VLDLR: variants seen among roughly 807,000 people sequenced by gnomAD.
VLDLR encodes very low-density lipoprotein receptor.
Under a neutral mutation model 112.7 loss-of-function variants are expected in VLDLR, and 81 were observed. The observed-to-expected ratio is 0.72, with a 90% CI of 0.60 to 0.86. VLDLR has a LOEUF of 0.86. Among genes scored for constraint, VLDLR ranks in the 40% least tolerant of loss-of-function variants. The pLI is 0.00. For missense variants in VLDLR, 1,237 were observed against 1,099.4 expected, an observed-to-expected ratio of 1.13 and a Z score of -1.77; for synonymous variants, 436 against 384.8, an observed-to-expected ratio of 1.13 and a Z score of -1.56.
intron 2 of VLDLR, 125 bp downstream of exon 2, chr9:2,635,697 C>G (rs1407026765): frequency 6.9e-7 from 1 of 1,445,450 alleles, no homozygotes; most frequent in African/African-American, 1.4e-5. Context: ...ATCTATACTT[C>G]TCTGTGTAAA....
At chr9:2,634,869 T>G (rs915483656) in intron 1 of VLDLR, among the ~76,000 whole-genome samples, 1 of 152,234 alleles carries the variant, frequency 6.6e-6, no homozygotes, top group African/African-American at 2.4e-5. Flanking sequence ...TTCACTGTGC[T>G]TGTAATAGAA....
intron 1 of VLDLR, among the ~76,000 whole-genome samples, chr9:2,632,038 C>T (rs1242367369): frequency 2.0e-5 from 3 of 152,038 alleles, no homozygotes; most frequent in Non-Finnish European, 4.4e-5. Context: ...AATTTTTTGA[C>T]GCTCCAGGAA....
rs746506982 is a variant in VLDLR, at chr9:2,650,419, A to G, written c.2154A>G (p.Leu718=). ...TGGAGAATGGAGGATGTGAATACCT[A>G]TGCCTGCCAGCACCACAGATTAATG... The part of the protein sequence containing the change: ...EDMENGGCEY[L]CLPAPQINDH... The change falls in exon 15 of 19, where the codon CTA becomes CTG. Residue 718 remains leucine (L), a synonymous_variant. Coordinates refer to ENST00000382100, the MANE Select transcript of VLDLR (RefSeq NM_003383.5). 2 of 1,614,100 alleles carry G rather than the reference A, an allele frequency of 1.2e-6. No individual in the cohort carries two copies. Among genetic ancestry groups the G allele is most frequent in the Non-Finnish European group, 1.7e-6 (2 of 1,180,014 alleles).
At chr9:2,624,326 G>C (rs1003089960) in intron 1 of VLDLR, among the ~76,000 whole-genome samples, 1 of 152,204 alleles carries the variant, frequency 6.6e-6, no homozygotes, top group South Asian at 2.1e-4. Context: ...TAAGTTCAAA[G>C]TCTCAGGGCA....
intron 2 of VLDLR, among the ~76,000 whole-genome samples, chr9:2,639,270 A>C (rs1264207667): frequency 6.6e-6 from 1 of 152,220 alleles, no homozygotes; most frequent in Non-Finnish European, 1.5e-5. Flanking sequence ...TACATAGTAG[A>C]TAACAAAGAG....
intron 1 of VLDLR, among the ~76,000 whole-genome samples, chr9:2,632,815 T>C (rs1044769706): frequency 1.3e-5 from 2 of 152,144 alleles, no homozygotes; most frequent in African/African-American, 2.4e-5. Flanking sequence ...AGGGAGCACT[T>C]TCTGCCCAGT....
At position 2,656,751 on chromosome 9, in the gene VLDLR, T is replaced by TAAAC. The variant is rs1338587275; in HGVS notation, c.*2885_*2888dup. On this transcript the variant is annotated 3_prime_UTR_variant, in exon 19 of 19. Transcript: ENST00000382100. Reference sequence around the variant, plus strand: ...GCCACAAAGATTGATGATAGATGAATAAACAGATTTGTGGCCTCTGGTAAA... The same window carrying TAAAC: ...GCCACAAAGATTGATGATAGATGAATAAACAAACAGATTTGTGGCCTCTGGTAAA... The TAAAC allele has an allele frequency of 6.6e-6, 1 of 152,028 alleles. No individual in the cohort carries two copies. Among genetic ancestry groups the TAAAC allele is most frequent in the Non-Finnish European group, 1.5e-5 (1 of 68,006 alleles). 9.4% of individuals were successfully genotyped at this position (152,028 alleles called of 1,614,324 possible).
chr9:2,642,920 A>T (rs371056849), intron 4 of VLDLR, among the ~76,000 whole-genome samples: 4 of 152,202 alleles, frequency 2.6e-5, no homozygotes, highest in African/African-American at 9.6e-5. Flanking sequence ...TCTCAAATTA[A>T]TTTCCAGTCT....
chr9:2,630,180 C>A (rs1817277571), intron 1 of VLDLR, among the ~76,000 whole-genome samples: 1 of 152,194 alleles, frequency 6.6e-6, no homozygotes, highest in African/African-American at 2.4e-5. Context: ...TTTCCCTTAA[C>A]ACCTGTTGTG....
intron 1 of VLDLR, among the ~76,000 whole-genome samples, chr9:2,624,013 C>T (rs1459319757): frequency 6.6e-6 from 1 of 152,090 alleles, no homozygotes; most frequent in Non-Finnish European, 1.5e-5. Context: ...GGACAATTAT[C>T]CAGGAAGGTG....
Position 2,659,806 on chromosome 9 carries a change from G to C in VLDLR, c.*5938G>C, listed in dbSNP as rs1442752117. The C allele has an allele frequency of 6.6e-6, 1 of 152,218 alleles. No homozygotes were observed. Among genetic ancestry groups the C allele is most frequent in the Non-Finnish European group, 1.5e-5 (1 of 68,044 alleles). The allele number at this position is 152,218 out of a possible 1,614,324, so 9.4% of individuals were successfully genotyped here. Reference sequence around the variant, plus strand: ...CAGTTAACACACATGCAAGGAGGAAGAGAGTTTTTTTGAACAAAATGACTG... The same window carrying C: ...CAGTTAACACACATGCAAGGAGGAACAGAGTTTTTTTGAACAAAATGACTG... On this transcript the variant is annotated 3_prime_UTR_variant, in exon 19 of 19. Coordinates refer to ENST00000382100, the MANE Select transcript of VLDLR (RefSeq NM_003383.5).
Position 2,654,171 on chromosome 9 carries a change from A to T in VLDLR, c.*303A>T, listed in dbSNP as rs1818494150. The T allele has an allele frequency of 2.4e-6, 1 of 420,216 alleles. No homozygotes were observed. Among genetic ancestry groups the T allele is most frequent in the Admixed American group, 3.6e-5 (1 of 27,858 alleles). The allele number at this position is 420,216 out of a possible 1,614,324, so 26.0% of individuals were successfully genotyped here. ...CTAGAAAGCCATATTCCAGCAGTGA[A>T]ACTTGTGCTATAGTGTATACCACCT... On this transcript the variant is annotated 3_prime_UTR_variant, in exon 19 of 19. Coordinates refer to ENST00000382100, the MANE Select transcript of VLDLR (RefSeq NM_003383.5).
At chr9:2,649,233 T>G (rs1563765099) in intron 14 of VLDLR, among the ~76,000 whole-genome samples, 1 of 152,156 alleles carries the variant, frequency 6.6e-6, no homozygotes, top group Non-Finnish European at 1.5e-5. Context: ...AGGCCAGAAG[T>G]TTGAAATCAA....
rs1402336568 is a variant in VLDLR at position 2,621,870 on chromosome 9, CA to C, written c.-319del. ...GTGCTCTCTTCTGCTCTCGGCTCCC[CA>C]CCCCCTCTCCCTTCCCTCCTCTCCC... On this transcript the variant is annotated 5_prime_UTR_variant, in exon 1 of 19. Coordinates refer to ENST00000382100, the MANE Select transcript of VLDLR (RefSeq NM_003383.5). 17 of 589,454 alleles carry C rather than the reference CA, an allele frequency of 2.9e-5. No homozygotes were observed. The highest frequency in any genetic ancestry group is 2.6e-4 in the South Asian group (17 of 65,084). The allele number at this position is 589,454 out of a possible 1,614,324, so 36.5% of individuals were successfully genotyped here. A position where few individuals can be genotyped will look rare whatever the true frequency, so the allele number is the denominator to read the frequency against.
At chr9:2,626,094 GCAGGTGATAACA>G (rs889786371) in intron 1 of VLDLR, among the ~76,000 whole-genome samples, 2 of 152,184 alleles carry the variant, frequency 1.3e-5, no homozygotes, top group Non-Finnish European at 1.5e-5. Context: ...AAATGAGATG[GCAGGTGATAACA>G]CAGGTTAAGT....
intron 2 of VLDLR, among the ~76,000 whole-genome samples, chr9:2,639,295 C>G (rs1258463105): frequency 6.6e-6 from 1 of 152,174 alleles, no homozygotes; most frequent in Non-Finnish European, 1.5e-5. Context: ...AGAGTAAGCG[C>G]TCTGGTTTCT....
rs562546099 is a variant in VLDLR at position 2,657,542 on chromosome 9, G to A, written c.*3674G>A. 26 of 151,668 alleles carry A rather than the reference G, an allele frequency of 1.7e-4. No homozygotes were observed. Among genetic ancestry groups the A allele is most frequent in the African/African-American group, 5.1e-4 (21 of 41,542 alleles). The allele number at this position is 151,668 out of a possible 1,614,324, so 9.4% of individuals were successfully genotyped here. A position where few individuals can be genotyped will look rare whatever the true frequency, so the allele number is the denominator to read the frequency against. The stretch of plus-strand genomic sequence containing the variant: ...AGCTTCCCTTATTGTGGGTGATGAG[G>A]CGGTGCCTAAAAACCACATATATAT... On this transcript the variant is annotated 3_prime_UTR_variant, in exon 19 of 19. Transcript: ENST00000382100.
chr9:2,635,735 G>T (rs1036844724), intron 2 of VLDLR, among the ~76,000 whole-genome samples, 163 bp downstream of exon 2: 9 of 152,172 alleles, frequency 5.9e-5, no homozygotes, highest in African/African-American at 2.2e-4. Flanking sequence ...TTGACGTGGG[G>T]TTATCAACTT....
At position 2,640,001 on chromosome 9, in the gene VLDLR, G is replaced by A; in HGVS notation, c.325+20G>A. ...AGTGCCGTGAGTGTAACTTGCTTTG[G>A]CCTTGAACTTTGCCAAGTTGTTCGG... is the stretch of plus-strand genomic sequence containing the variant. On this transcript the variant is annotated intron_variant, in intron 3 of 18. Coordinates refer to ENST00000382100, the MANE Select transcript of VLDLR (RefSeq NM_003383.5). The A allele has an allele frequency of 1.9e-6, 3 of 1,614,138 alleles. No individual in the cohort carries two copies. The highest frequency in any genetic ancestry group is 2.7e-5 in the African/African-American group (2 of 75,040).
Sources: gnomAD v4.1 joint callset for allele counts (sites outside exome capture counted in the v4.1 genomes callset) on GRCh38, gnomAD v4.1.1 for gene constraint, MANE v1.5 for transcripts, NCBI Gene and HGNC (gene_info 2026-07-23, HGNC 2026-07-21) for gene names.